Variants in RNF144A observed in about 807,000 individuals in gnomAD.
RNF144A encodes E3 ubiquitin-protein ligase RNF144A.
A neutral mutation model predicts 38.7 loss-of-function variants in RNF144A; 11 were observed. That is an observed-to-expected ratio of 0.28 (90% confidence interval 0.18 to 0.47). RNF144A has a LOEUF of 0.47. RNF144A is among the 20% of genes least tolerant of loss of function. The pLI is 0.99. For missense variants in RNF144A, 316 were observed against 377.2 expected (o/e 0.84, Z 1.34); for synonymous variants, 149 against 143.9 (o/e 1.04, Z -0.25).
chr2:7,028,792 G>C lies in RNF144A; in HGVS notation c.658-1334G>C, dbSNP rs1353445659. Among the ~76,000 whole-genome samples, 4 of 152,190 alleles carry C rather than the reference G, an allele frequency of 2.6e-5. 1 individual carries two copies. In the East Asian group the frequency reaches 5.8e-4, roughly 22 times the overall value. On this transcript the variant is annotated intron_variant, in intron 7 of 8. Coordinates refer to ENST00000320892, the MANE Select transcript of RNF144A (RefSeq NM_014746.6). ...GAAAGGTGTGGCCAGAAGTGGCTTT[G>C]TGTTTGCCTGCTCCTCCCTTTCCTC...
At chr2:6,930,510 C>G (rs1055174254) in intron 1 of RNF144A, among the ~76,000 whole-genome samples, 1 of 152,064 alleles carries the variant, frequency 6.6e-6, no homozygotes, top group African/African-American at 2.4e-5. Flanking sequence ...TCACCACACA[C>G]ACACATCTAT....
At chr2:6,923,116 G>T (rs1457319633) in intron 1 of RNF144A, among the ~76,000 whole-genome samples, 1 of 152,192 alleles carries the variant, frequency 6.6e-6, no homozygotes, top group East Asian at 1.9e-4. Context: ...AGCCTCTTCA[G>T]TGAGGTCTGC....
intron 2 of RNF144A, among the ~76,000 whole-genome samples, chr2:6,966,437 C>T (rs540632586): frequency 2.0e-5 from 3 of 152,194 alleles, no homozygotes; most frequent in Non-Finnish European, 4.4e-5. Flanking sequence ...AGCAGCAACA[C>T]GAAGACTAAA....
intron 2 of RNF144A, among the ~76,000 whole-genome samples, chr2:6,977,549 A>G (rs565245735): frequency 1.3e-5 from 2 of 152,246 alleles, no homozygotes; most frequent in African/African-American, 4.8e-5. Context: ...CGTGTAGTAC[A>G]TTATACCAAA....
chr2:6,959,348 C>T (rs186045553), intron 2 of RNF144A, among the ~76,000 whole-genome samples: 1 of 152,132 alleles, frequency 6.6e-6, no homozygotes, highest in Non-Finnish European at 1.5e-5. Context: ...GAGCATGGCT[C>T]ATTGGTGTGA....
At chr2:6,937,086 T>C (rs1665639583) in intron 1 of RNF144A, among the ~76,000 whole-genome samples, 1 of 152,142 alleles carries the variant, frequency 6.6e-6, no homozygotes, top group African/African-American at 2.4e-5. Context: ...TAAAAACAGG[T>C]ACTAAAAATG....
At chr2:7,001,614 C>T (rs1294678997) in intron 3 of RNF144A, among the ~76,000 whole-genome samples, 2 of 151,878 alleles carry the variant, frequency 1.3e-5, no homozygotes, top group Non-Finnish European at 2.9e-5. Flanking sequence ...GAGGTCGAGG[C>T]CGCAGTGAGC....
At chr2:7,025,438 C>A (rs1203818635) in intron 7 of RNF144A, among the ~76,000 whole-genome samples, 1 of 152,146 alleles carries the variant, frequency 6.6e-6, no homozygotes, top group Non-Finnish European at 1.5e-5. Context: ...CTTTGGGAGG[C>A]CGAGGTGGTC....
At chr2:7,049,420 ACAT>A (rs1282051467) in intron 6 of RNF144A, among the ~76,000 whole-genome samples, 1 of 152,212 alleles carries the variant, frequency 6.6e-6, no homozygotes, top group African/African-American at 2.4e-5. Flanking sequence ...TGATTAGGTA[ACAT>A]CATTCACACT....
chr2:6,987,514 A>T (rs1349643305), intron 2 of RNF144A, among the ~76,000 whole-genome samples: 1 of 152,226 alleles, frequency 6.6e-6, no homozygotes, highest in African/African-American at 2.4e-5. Flanking sequence ...AAAAGAAAAC[A>T]GTTCCATGTA....
At chr2:6,975,523 T>C (rs1232180706) in intron 2 of RNF144A, among the ~76,000 whole-genome samples, 1 of 152,214 alleles carries the variant, frequency 6.6e-6, no homozygotes, top group Non-Finnish European at 1.5e-5. Flanking sequence ...ACTCCTTCAA[T>C]GAAAATCTTG....
In RNF144A at chr2:7,014,422, T is replaced by G. The variant is rs376868993; in HGVS notation, c.136-32T>G. The G allele has an allele frequency of 4.9e-6, 7 of 1,425,868 alleles. No individual in the cohort carries two copies. In the African/African-American group the frequency reaches 8.4e-5, roughly 17 times the overall value. 88.3% of individuals were successfully genotyped at this position (1,425,868 alleles called of 1,614,324 possible). On this transcript the variant is annotated intron_variant, in intron 3 of 8. Transcript: ENST00000320892. ...TTCTTCAGCATTAAGGAGGTAAAGA[T>G]GTTTATAGACACTTCTCTGTTTTTC...
At chr2:6,939,855 A>G (rs1572224512) in intron 1 of RNF144A, among the ~76,000 whole-genome samples, 1 of 152,172 alleles carries the variant, frequency 6.6e-6, no homozygotes, top group African/African-American at 2.4e-5. Context: ...TCAAGAATCA[A>G]TTAACCAGAA....
At chr2:7,024,328 G>T in intron 6 of RNF144A, 41 bp from the exon 7 acceptor site, 1 of 1,543,110 alleles carries the variant, frequency 6.5e-7, no homozygotes, top group Non-Finnish European at 8.9e-7. Flanking sequence ...GTCTCCCGTG[G>T]GATCCGTTTG....
intron 2 of RNF144A, chr2:6,978,557 A>G (rs1260117046): frequency 6.6e-6 from 1 of 152,504 alleles, no homozygotes. Context: ...CCCCGCCTTG[A>G]AGACTCTTCC....
chr2:6,936,515 A>G (rs1305101865), intron 1 of RNF144A, among the ~76,000 whole-genome samples: 6 of 152,128 alleles, frequency 3.9e-5, no homozygotes, highest in Non-Finnish European at 8.8e-5. Context: ...AGCTGCTGCT[A>G]TTTTAGAGCC....
downstream of RNF144A, among the ~76,000 whole-genome samples, chr2:7,044,988 G>A (rs998270168): frequency 1.3e-5 from 2 of 152,214 alleles, no homozygotes; most frequent in African/African-American, 2.4e-5. Flanking sequence ...AATGGTAGAC[G>A]CACGCTCAGC....
downstream of RNF144A, chr2:7,044,188 G>C: frequency 1.0e-6 from 1 of 985,518 alleles, no homozygotes; most frequent in Non-Finnish European, 1.2e-6. Context: ...AACCCCGCGT[G>C]GCTCCGTCTT....
intron 6 of RNF144A, among the ~76,000 whole-genome samples, chr2:7,054,535 TCCC>T (rs1673654442): frequency 1.3e-5 from 2 of 152,186 alleles, no homozygotes; most frequent in Non-Finnish European, 2.9e-5. Flanking sequence ...TGTTGCCAAA[TCCC>T]TCATAGGTGC....
Sources: allele counts gnomAD v4.1 joint callset (sites outside exome capture counted in the v4.1 genomes callset), GRCh38; gene constraint gnomAD v4.1.1; transcripts MANE v1.5; gene names NCBI Gene and HGNC (gene_info 2026-07-23, HGNC 2026-07-21).